The following TRIM22 variants were observed in gnomAD, a reference collection of about 807,000 sequenced individuals.
TRIM22 encodes E3 ubiquitin-protein ligase TRIM22.
In TRIM22, 45 loss-of-function variants were observed where a neutral mutation model predicts 53.6. The ratio of observed to expected loss-of-function variants is 0.84; its 90% confidence interval spans 0.66 to 1.08. The LOEUF (loss-of-function observed/expected upper bound fraction) is 1.08. TRIM22 is among the 50% of genes least tolerant of loss of function. TRIM22 has a pLI of 0.00. For synonymous variants in TRIM22, 225 were observed against 216.6 expected (o/e 1.04, Z -0.34); for missense variants, 616 against 590.9 (o/e 1.04, Z -0.44).
At chr11:5,703,720 G>A (rs1302496920) in intron 4 of TRIM22, among the ~76,000 whole-genome samples, 2 of 152,028 alleles carry the variant, frequency 1.3e-5, no homozygotes, top group Non-Finnish European at 2.9e-5. Flanking sequence ...GTATTCCATG[G>A]TGTATATGTA....
intron 2 of TRIM22, chr11:5,696,870 A>T (rs1853272155): frequency 3.5e-6 from 2 of 575,156 alleles, no homozygotes; most frequent in Non-Finnish European, 5.9e-6. Context: ...AGCAAGGAAA[A>T]GTTGAATGAA....
chr11:5,691,870 G>C (rs1233270036), intron 1 of TRIM22, among the ~76,000 whole-genome samples: 1 of 151,856 alleles, frequency 6.6e-6, no homozygotes, highest in Non-Finnish European at 1.5e-5. Flanking sequence ...TTATGTGTCT[G>C]TACCGCACAT....
chr11:5,706,951 T>C (rs190174619), intron 5 of TRIM22, among the ~76,000 whole-genome samples: 1 of 152,324 alleles, frequency 6.6e-6, no homozygotes, highest in Admixed American at 6.5e-5. Context: ...GCCCTTTTTA[T>C]ATGCCAGACT....
rs951475089 is a variant in TRIM22, at chr11:5,698,581, AG to A, written c.750+40del. Reference sequence around the variant, plus strand: ...GGATGGAGCACCTACGTAAGAGATTAGGGGAAAAACACAGAGGCCGATTTTC... The same window carrying A: ...GGATGGAGCACCTACGTAAGAGATTAGGGAAAAACACAGAGGCCGATTTTC... On this transcript the variant is annotated intron_variant, in intron 4 of 7. Coordinates refer to ENST00000379965, the MANE Select transcript of TRIM22 (RefSeq NM_006074.5). 3 of 1,546,108 alleles carry A rather than the reference AG, an allele frequency of 1.9e-6. No individual in the cohort carries two copies. The African/African-American group carries it at 4.2e-5, about 22-fold the overall frequency.
Position 5,696,345 on chromosome 11 carries a change from G to C in TRIM22, c.113G>C (p.Cys38Ser). The change falls in exon 2 of 8, where the codon TGC becomes TCC. Residue 38 changes from cysteine (C) to serine (S), a missense_variant. Coordinates refer to ENST00000379965, the MANE Select transcript of TRIM22 (RefSeq NM_006074.5). Reference sequence around the variant, plus strand: ...TGTGGCCACAGCTTCTGCCAAGCCTGCATCACTGCAAAGATCAAGGAGTCA... The same window carrying C: ...TGTGGCCACAGCTTCTGCCAAGCCTCCATCACTGCAAAGATCAAGGAGTCA... ...LDCGHSFCQA[C>S]ITAKIKESVI... 2 of 1,614,254 alleles carry C rather than the reference G, an allele frequency of 1.2e-6. No homozygotes were observed. Among genetic ancestry groups the C allele is most frequent in the Admixed American group, 1.7e-5 (1 of 60,032 alleles).
chr11:5,707,027 T>C (rs369176100), intron 5 of TRIM22, among the ~76,000 whole-genome samples: 6 of 152,224 alleles, frequency 3.9e-5, no homozygotes, highest in African/African-American at 1.4e-4. Context: ...AAACAATAAC[T>C]TTCTAGGTGG....
chr11:5,703,508 C>A (rs1010277712), intron 4 of TRIM22, among the ~76,000 whole-genome samples: 1 of 151,856 alleles, frequency 6.6e-6, no homozygotes, highest in African/African-American at 2.4e-5. Context: ...GCTGCATCCT[C>A]CCGAGTAGCT....
intron 7 of TRIM22, 50 bp downstream of exon 7, chr11:5,708,653 C>CT (rs752731187): frequency 6.6e-7 from 1 of 1,524,336 alleles, no homozygotes; most frequent in South Asian, 1.2e-5. Context: ...ATTGTGGTTA[C>CT]TATTAGATCT....
chr11:5,696,048 T>C, intron 1 of TRIM22, 119 bp from the exon 2 acceptor site: 1 of 511,236 alleles, frequency 2.0e-6, no homozygotes, highest in Non-Finnish European at 3.4e-6. Context: ...TTATTCTTCA[T>C]GCCTTTCTTT....
At chr11:5,692,876 C>CTTT (rs376485434) in intron 1 of TRIM22, among the ~76,000 whole-genome samples, 1,515 of 132,848 alleles carry the variant, frequency 0.011, 24 homozygotes, top group Middle Eastern at 0.016. Context: ...TTAATTTAAT[C>CTTT]TTTTTTTTTT....
chr11:5,692,119 G>A (rs750255452), intron 1 of TRIM22, among the ~76,000 whole-genome samples: 7 of 152,256 alleles, frequency 4.6e-5, no homozygotes, highest in Middle Eastern at 3.4e-3. Flanking sequence ...TAAACACGCA[G>A]TCAAAAAAAG....
At chr11:5,706,751 C>A in intron 5 of TRIM22, 135 bp downstream of exon 5, 1 of 905,814 alleles carries the variant, frequency 1.1e-6, no homozygotes, top group Non-Finnish European at 1.6e-6. Context: ...TCCCAAATTG[C>A]TAGTCACAGA....
In TRIM22 at chr11:5,709,285, G is replaced by T. The variant is rs61735325; in HGVS notation, c.1134G>T (p.Leu378=). The T allele has an allele frequency of 1.2e-6, 2 of 1,613,966 alleles. No homozygotes were observed. The highest frequency in any genetic ancestry group is 2.7e-5 in the African/African-American group (2 of 74,984). The change falls in exon 8 of 8, where the codon CTG becomes CTT. Residue 378 remains leucine, a synonymous_variant. Transcript: ENST00000379965. ...GCGTACACAGTAAAATAAGTAGTCT[G>T]AATAAAAGGAAGAGCTCTGGGTTTG... ...ILGVHSKISS[L]NKRKSSGFAF... is the part of the protein sequence containing the mutation.
Position 5,695,681 on chromosome 11 carries a change from C to T in TRIM22, c.-66-486C>T, listed in dbSNP as rs185767356. ...ATACACTTAAAAATGATGTTTGATG[C>T]AGTGTTTGATGCTATGTAAATACAA... On this transcript the variant is annotated intron_variant, in intron 1 of 7. Coordinates refer to ENST00000379965, the MANE Select transcript of TRIM22 (RefSeq NM_006074.5). 7.2e-5 allele frequency among the ~76,000 whole-genome samples: 11 copies of T among 151,814 alleles called. No individual in the cohort carries two copies. In the East Asian group the frequency reaches 1.7e-3, roughly 24 times the overall value.
rs527307730 is a variant in TRIM22 at position 5,704,582 on chromosome 11, C to T, written c.751-2012C>T. Among the ~76,000 whole-genome samples the T allele has an allele frequency of 7.2e-4, 110 of 152,232 alleles. 1 individual carries two copies. The highest frequency in any genetic ancestry group is 1.7e-3 in the South Asian group (8 of 4,822). On this transcript the variant is annotated intron_variant, in intron 4 of 7. Coordinates refer to ENST00000379965, the MANE Select transcript of TRIM22 (RefSeq NM_006074.5). ...TTTCCCATTCTGTAGATTGCCTTTT[C>T]GCTCTCTTCATAGTGTTCTTCATAA...
rs557113426 is a variant in TRIM22 at position 5,698,510 on chromosome 11, C to A, written c.715C>A (p.Arg239=). The A allele has an allele frequency of 1.9e-6, 3 of 1,613,710 alleles. No homozygotes were observed. ...CAGCACGCTCATCTCAGATCTCCAG[C>A]GGAGGTTGAGGGGATCGTCAGTAGA... ...DASTLISDLQ[R]RLRGSSVEML... Residue 239 remains arginine, a synonymous_variant, in exon 4 of 8, where the codon CGG becomes AGG. Coordinates refer to ENST00000379965, the MANE Select transcript of TRIM22 (RefSeq NM_006074.5).
chr11:5,701,701 C>T (rs1258996889), intron 4 of TRIM22, among the ~76,000 whole-genome samples: 1 of 152,084 alleles, frequency 6.6e-6, no homozygotes, highest in Non-Finnish European at 1.5e-5. Flanking sequence ...GTTCTGAAAG[C>T]TCAGAGCCCA....
chr11:5,709,124 A>T lies in TRIM22; in HGVS notation c.973A>T (p.Thr325Ser), dbSNP rs1368774855. 12 of 1,614,170 alleles carry T rather than the reference A, an allele frequency of 7.4e-6. No homozygotes were observed. Among genetic ancestry groups the T allele is most frequent in the Non-Finnish European group, 1.0e-5 (12 of 1,180,018 alleles). Reference sequence around the variant, plus strand: ...TTCTGTGGATCAGAGACAAGTGAAAACTGTACGCACCTGCACATTTAAGAA... The same window carrying T: ...TTCTGTGGATCAGAGACAAGTGAAATCTGTACGCACCTGCACATTTAAGAA... ...AISVDQRQVK[T>S]VRTCTFKNSN... Residue 325 changes from threonine to serine, a missense_variant, in exon 8 of 8, where the codon ACT becomes TCT. Physicochemically the swap from Thr to Ser is moderately conservative, Grantham distance 58 (BLOSUM62 1). Transcript: ENST00000379965.
At chr11:5,708,000 T>G (rs952028097) in intron 5 of TRIM22, among the ~76,000 whole-genome samples, 173 bp from the exon 6 acceptor site, 1 of 152,122 alleles carries the variant, frequency 6.6e-6, no homozygotes, top group Non-Finnish European at 1.5e-5. Flanking sequence ...CACAGACAGG[T>G]AGACATGAGC....
Sources: gnomAD v4.1 joint callset for allele counts (sites outside exome capture counted in the v4.1 genomes callset) on GRCh38, gnomAD v4.1.1 for gene constraint, MANE v1.5 for transcripts, NCBI Gene and HGNC (gene_info 2026-07-23, HGNC 2026-07-21) for gene names.